VEZT: variants seen among roughly 807,000 people sequenced by gnomAD.
VEZT encodes the protein vezatin, adherens junctions transmembrane protein, also known as vezatin.
In VEZT, 39 loss-of-function variants were observed where a neutral mutation model predicts 79.9. That is an observed-to-expected ratio of 0.49 (90% CI 0.38 to 0.64). VEZT has a LOEUF of 0.64. VEZT is among the 30% of genes least tolerant of loss of function. The probability of loss-of-function intolerance (pLI) is 0.00; values close to 1 mark genes in which losing one functional copy is unlikely to be tolerated. For synonymous variants in VEZT, 325 were observed against 327.6 expected, an observed-to-expected ratio of 0.99 and a Z score of 0.09; for missense variants, 837 against 893.1, an observed-to-expected ratio of 0.94 and a Z score of 0.80.
At chr12:95,257,012 C>G (rs2063575755) in intron 2 of VEZT, 138 bp from the exon 3 acceptor site, 1 of 628,064 alleles carries the variant, frequency 1.6e-6, no homozygotes, top group African/African-American at 1.9e-5. Flanking sequence ...GATGTACTGA[C>G]AAGGTATATA....
chr12:95,295,315 C>T (rs535985320), intron 10 of VEZT, among the ~76,000 whole-genome samples: 1 of 152,136 alleles, frequency 6.6e-6, no homozygotes, highest in Non-Finnish European at 1.5e-5. Flanking sequence ...TGCCTGCCAC[C>T]GCGCCTGGCT....
chr12:95,241,524 C>G (rs1353283366), intron 1 of VEZT, among the ~76,000 whole-genome samples: 1 of 152,006 alleles, frequency 6.6e-6, no homozygotes, highest in Non-Finnish European at 1.5e-5. Context: ...CTAGGATAGT[C>G]TCAAACGCCT....
At chr12:95,220,213 G>A (rs1363397469) in intron 1 of VEZT, among the ~76,000 whole-genome samples, 1 of 152,164 alleles carries the variant, frequency 6.6e-6, no homozygotes, top group Non-Finnish European at 1.5e-5. Context: ...TCAGCACTTT[G>A]GGAGGCTGAG....
chr12:95,278,640 T>G (rs2068297820), intron 7 of VEZT, among the ~76,000 whole-genome samples: 1 of 152,254 alleles, frequency 6.6e-6, no homozygotes, highest in Non-Finnish European at 1.5e-5. Flanking sequence ...GATTTATTTT[T>G]TATTGTTCCC....
rs143493973 is a variant in VEZT at position 95,242,899 on chromosome 12, A to G, written c.37-9041A>G. Among the ~76,000 whole-genome samples, 242 of 149,898 alleles carry G rather than the reference A, an allele frequency of 1.6e-3. 1 individual carries two copies. The highest frequency in any genetic ancestry group is 3.8e-3 in the Admixed American group (57 of 15,056). ...ACCAAAAAAAAAAAAAAAAAAAATC[A>G]GTAAAATGATATTTTCCCCAGATTA... is the stretch of plus-strand genomic sequence containing the variant. On this transcript the variant is annotated intron_variant, in intron 1 of 11. Coordinates refer to ENST00000436874, the MANE Select transcript of VEZT (RefSeq NM_017599.4).
chr12:95,243,087 C>A (rs1368946464), intron 1 of VEZT, among the ~76,000 whole-genome samples: 2 of 151,950 alleles, frequency 1.3e-5, no homozygotes, highest in Non-Finnish European at 2.9e-5. Flanking sequence ...AATGAAAACT[C>A]CATGGCCAGG....
In VEZT at chr12:95,299,991, CTT is replaced by C. The variant is rs1455769990; in HGVS notation, c.1832-173_1832-172del. On this transcript the variant is annotated intron_variant, in intron 11 of 11. Transcript: ENST00000436874. Reference sequence around the variant, plus strand: ...ATTTCATTTCTTAGGCATTTTCTCTCTTATAAAGTTTCCTGGATTTATAAATT... The same window carrying C: ...ATTTCATTTCTTAGGCATTTTCTCTCATAAAGTTTCCTGGATTTATAAATT... The C allele has an allele frequency of 2.6e-5, 11 of 431,208 alleles. No homozygotes were observed. In the East Asian group the frequency reaches 3.3e-4, roughly 13 times the overall value. The allele number at this position is 431,208 out of a possible 1,614,324, so 26.7% of individuals were successfully genotyped here. A position where few individuals can be genotyped will look rare whatever the true frequency, so the allele number is the denominator to read the frequency against.
intron 7 of VEZT, 113 bp from the exon 8 acceptor site, chr12:95,282,200 T>C: frequency 1.1e-6 from 1 of 926,422 alleles, no homozygotes; most frequent in Admixed American, 3.0e-5. Context: ...TATTTATTAT[T>C]TAGGATAAAG....
In VEZT at chr12:95,266,454, G is replaced by A; in HGVS notation, c.532G>A (p.Val178Met). Residue 178 changes from valine (V) to methionine (M), a missense_variant, in exon 5 of 12, where the codon GTG (valine) becomes ATG (methionine). Transcript: ENST00000436874. Reference sequence around the variant, plus strand: ...GCTGGTATGGGGAGTGATTCTATTTGTGTATCTGGTCATAAGAGCTTTGAG... The same window carrying A: ...GCTGGTATGGGGAGTGATTCTATTTATGTATCTGGTCATAAGAGCTTTGAG... The part of the protein sequence containing the change: ...SWLVWGVILF[V>M]YLVIRALRLW... 1 of 1,613,784 alleles carries A rather than the reference G, an allele frequency of 6.2e-7. No individual in the cohort carries two copies. Among genetic ancestry groups the A allele is most frequent in the Non-Finnish European group, 8.5e-7 (1 of 1,179,884 alleles).
chr12:95,274,957 T>G (rs2067341134), intron 7 of VEZT, 68 bp downstream of exon 7: 4 of 1,536,752 alleles, frequency 2.6e-6, no homozygotes, highest in African/African-American at 1.4e-5. Flanking sequence ...CTATGCTTTC[T>G]GAATGTAAAT....
At position 95,300,178 on chromosome 12, in the gene VEZT, C is replaced by G; in HGVS notation, c.1845C>G (p.Ser615=). ...LLFSDHAVLK[S]LSPVDPVEPI... The stretch of plus-strand genomic sequence containing the variant: ...TTTTATTTGAAGCCGTGTTGAAATC[C>G]TTGTCTCCTGTAGACCCAGTGGAAC... Residue 615 remains serine (S), a synonymous_variant, in exon 12 of 12, where the codon TCC becomes TCG. Coordinates refer to ENST00000436874, the MANE Select transcript of VEZT (RefSeq NM_017599.4). 6.9e-7 allele frequency: 1 copy of G among 1,457,060 alleles called. No homozygotes were observed. Among genetic ancestry groups the G allele is most frequent in the South Asian group, 1.5e-5 (1 of 66,238 alleles). 90.3% of individuals were successfully genotyped at this position (1,457,060 alleles called of 1,614,324 possible).
intron 1 of VEZT, among the ~76,000 whole-genome samples, chr12:95,236,207 G>A (rs890965575): frequency 2.6e-5 from 4 of 152,174 alleles, no homozygotes; most frequent in Non-Finnish European, 5.9e-5. Flanking sequence ...GATCACTCGC[G>A]GTTAGGAGCT....
At chr12:95,259,528 A>G (rs1015765429) in intron 3 of VEZT, among the ~76,000 whole-genome samples, 4 of 152,214 alleles carry the variant, frequency 2.6e-5, no homozygotes, top group Non-Finnish European at 1.5e-5. Flanking sequence ...CAAAGAGGAA[A>G]CTGGCACAGA....
chr12:95,266,730 G>GA (rs906204617), intron 5 of VEZT, 98 bp downstream of exon 5: 32 of 1,273,372 alleles, frequency 2.5e-5, no homozygotes, highest in East Asian at 5.1e-5. Flanking sequence ...GCATTTATAG[G>GA]AAAAAAAAGT....
chr12:95,270,375 G>T (rs1273436600), intron 6 of VEZT, among the ~76,000 whole-genome samples, 187 bp downstream of exon 6: 1 of 152,180 alleles, frequency 6.6e-6, no homozygotes, highest in Non-Finnish European at 1.5e-5. Flanking sequence ...CAGACAGGAA[G>T]AAAGTTCTGT....
chr12:95,300,515 C>G lies in VEZT; in HGVS notation c.2182C>G (p.Arg728Gly). The G allele has an allele frequency of 6.2e-7, 1 of 1,613,928 alleles. No individual in the cohort carries two copies. Among genetic ancestry groups the G allele is most frequent in the South Asian group, 1.1e-5 (1 of 91,078 alleles). ...GCCCTCCATTAAGCAGAGGCTGGCA[C>G]GGCTACAGCTGTCACCAGATTTTAC... ...LQPSIKQRLA[R>G]LQLSPDFTFT... is the part of the protein sequence containing the mutation. Residue 728 changes from arginine to glycine, a missense_variant, in exon 12 of 12, where the codon CGG becomes GGG. Physicochemically the swap from Arg to Gly is moderately radical, Grantham distance 125. Transcript: ENST00000436874.
At chr12:95,244,297 G>GGGA (rs1306959264) in intron 1 of VEZT, among the ~76,000 whole-genome samples, 2 of 152,014 alleles carry the variant, frequency 1.3e-5, no homozygotes, top group African/African-American at 4.8e-5. Flanking sequence ...AGGTTGAGGT[G>GGGA]GGAGGATTCC....
At chr12:95,280,031 A>T (rs1336701028) in intron 7 of VEZT, among the ~76,000 whole-genome samples, 1 of 152,210 alleles carries the variant, frequency 6.6e-6, no homozygotes, top group Admixed American at 6.5e-5. Context: ...TTCACAATGT[A>T]TCCAGAGTCC....
intron 5 of VEZT, among the ~76,000 whole-genome samples, chr12:95,268,954 C>A (rs1199677816): frequency 6.6e-6 from 1 of 152,286 alleles, no homozygotes; most frequent in East Asian, 1.9e-4. Flanking sequence ...ATAATTGAAA[C>A]CTTTTTTGCC....
Sources: allele counts gnomAD v4.1 joint callset (sites outside exome capture counted in the v4.1 genomes callset), GRCh38; gene constraint gnomAD v4.1.1; transcripts MANE v1.5; gene names NCBI Gene and HGNC (gene_info 2026-07-23, HGNC 2026-07-21).